CAST: variants seen among roughly 807,000 people sequenced by gnomAD.
CAST encodes MIR583 host.
A neutral mutation model predicts 119.6 loss-of-function variants in CAST; 76 were observed. That is an observed-to-expected ratio of 0.64 (90% CI 0.53 to 0.77). The LOEUF is 0.77. CAST is among the 30% of genes least tolerant of loss of function. CAST has a pLI of 0.00. For missense variants in CAST, 953 were observed against 946.5 expected, an observed-to-expected ratio of 1.01 and a Z score of -0.09; for synonymous variants, 319 against 331.6, an observed-to-expected ratio of 0.96 and a Z score of 0.41.
chr5:96,497,955 G>T, the CAST span, among the ~76,000 whole-genome samples: 1 of 152,202 alleles, frequency 6.6e-6, no homozygotes, highest in Non-Finnish European at 1.5e-5. Flanking sequence ...GTCCTGAATG[G>T]TATTGCCTAG....
chr5:96,196,811 A>G, the CAST span, among the ~76,000 whole-genome samples: 3 of 152,216 alleles, frequency 2.0e-5, no homozygotes, highest in Admixed American at 6.5e-5. Flanking sequence ...ATACCTTTTT[A>G]TCTTATAAAA....
At chr5:96,447,765 G>T in the CAST span, among the ~76,000 whole-genome samples, 1 of 152,102 alleles carries the variant, frequency 6.6e-6, no homozygotes, top group Non-Finnish European at 1.5e-5. Context: ...AGTTGTGTGT[G>T]TGTAAAATAT....
the CAST span, among the ~76,000 whole-genome samples, chr5:96,125,101 T>C: frequency 3.9e-5 from 6 of 152,320 alleles, no homozygotes; most frequent in East Asian, 1.2e-3. Context: ...TAACTGCCCA[T>C]ACCTTACCAA....
chr5:96,662,461 G>T lies in CAST; in HGVS notation c.39G>T (p.Arg13=). 7.0e-7 allele frequency: 1 copy of T among 1,434,924 alleles called. No homozygotes were observed. Among genetic ancestry groups the T allele is most frequent in the South Asian group, 1.4e-5 (1 of 70,796 alleles). 88.9% of individuals were successfully genotyped at this position (1,434,924 alleles called of 1,614,324 possible). A position where few individuals can be genotyped will look rare whatever the true frequency, so the allele number is the denominator to read the frequency against. Residue 13 remains arginine, a synonymous_variant, in exon 1 of 32, where the codon CGG becomes CGT. Transcript: ENST00000675179. ...QPGQKPAASP[R]PRRAAAARRT... ...GCCAGAAGCCCGCCGCCTCCCCGCGGCCCCGGCGAGCAGCCGCCGCCCGCC... is the reference window on the plus strand; with the variant it reads ...GCCAGAAGCCCGCCGCCTCCCCGCGTCCCCGGCGAGCAGCCGCCGCCCGCC...
chr5:96,040,341 T>C, the CAST span, among the ~76,000 whole-genome samples: 8,876 of 152,204 alleles, frequency 0.058, 517 homozygotes, highest in African/African-American at 0.14. Context: ...GACTTCCTCT[T>C]TTCCTATTTG....
chr5:96,413,936 G>A, the CAST span, among the ~76,000 whole-genome samples: 1 of 122,530 alleles, frequency 8.2e-6, no homozygotes, highest in Non-Finnish European at 1.6e-5. Context: ...TGGCTAACAT[G>A]ATGAAACCCT....
chr5:96,736,390 G>A, intron 10 of CAST, 150 bp downstream of exon 10: 2 of 539,396 alleles, frequency 3.7e-6, no homozygotes, highest in Admixed American at 3.7e-5. Context: ...TATTGAAAGT[G>A]TGGGTTGGAA....
the CAST span, among the ~76,000 whole-genome samples, chr5:95,976,626 A>C: frequency 2.0e-5 from 3 of 152,176 alleles, no homozygotes; most frequent in Non-Finnish European, 2.9e-5. Flanking sequence ...TGGTTTTGAC[A>C]TCCAGGATAC....
At chr5:96,567,454 A>T (rs1041176836) in intron 1 of CAST, among the ~76,000 whole-genome samples, 3 of 152,058 alleles carry the variant, frequency 2.0e-5, no homozygotes, top group Admixed American at 2.0e-4. Flanking sequence ...TCTCAGCTCC[A>T]TTGCATTCCA....
chr5:96,248,508 A>G, the CAST span, among the ~76,000 whole-genome samples: 1 of 152,252 alleles, frequency 6.6e-6, no homozygotes, highest in Non-Finnish European at 1.5e-5. Context: ...AAGAATAAGA[A>G]TATACAGGAA....
At chr5:96,346,639 C>A in the CAST span, among the ~76,000 whole-genome samples, 1 of 152,128 alleles carries the variant, frequency 6.6e-6, no homozygotes, top group Non-Finnish European at 1.5e-5. Flanking sequence ...AACACCCAAA[C>A]CTCATAATGT....
the CAST span, among the ~76,000 whole-genome samples, chr5:96,165,902 A>G: frequency 3.2e-3 from 480 of 152,320 alleles, 1 homozygote; most frequent in Non-Finnish European, 3.8e-3. Flanking sequence ...TATTCACAGT[A>G]TAACAGCTAC....
At position 96,719,849 on chromosome 5, in the gene CAST, G is replaced by A. The variant is rs188139700; in HGVS notation, c.211-2790G>A. The stretch of plus-strand genomic sequence containing the variant: ...GGCGTACACAGCTCGGAGGGTCCTC[G>A]TGCAGAGAGTGCTCCTTTCCAGCCT... On this transcript the variant is annotated intron_variant, in intron 3 of 31. Coordinates refer to ENST00000675179, the MANE Select transcript of CAST (RefSeq NM_001750.7). Among the ~76,000 whole-genome samples the A allele has an allele frequency of 4.6e-5, 7 of 152,212 alleles. No individual in the cohort carries two copies. The South Asian group carries it at 8.3e-4, about 18-fold the overall frequency.
intron 1 of CAST, among the ~76,000 whole-genome samples, chr5:96,612,876 T>A (rs984822395): frequency 1.3e-5 from 2 of 152,194 alleles, no homozygotes; most frequent in African/African-American, 4.8e-5. Flanking sequence ...TATACATACA[T>A]ACACACATAT....
chr5:96,242,009 T>C, the CAST span, among the ~76,000 whole-genome samples: 1 of 144,236 alleles, frequency 6.9e-6, no homozygotes, highest in African/African-American at 2.6e-5. Flanking sequence ...TCCCATTTTG[T>C]AGGTTGCCTG....
chr5:96,729,485 C>G (rs1760003685), intron 7 of CAST, 127 bp from the exon 8 acceptor site: 1 of 629,574 alleles, frequency 1.6e-6, no homozygotes. Context: ...AATTTAGAAC[C>G]ACAGACAGCA....
chr5:96,349,912 CATCAGTCTA>C, the CAST span, among the ~76,000 whole-genome samples: 155 of 152,024 alleles, frequency 1.0e-3, 1 homozygote, highest in African/African-American at 3.6e-3. Context: ...TGAGAAATAG[CATCAGTCTA>C]ATCTACACAA....
the CAST span, among the ~76,000 whole-genome samples, chr5:96,241,568 G>T: frequency 6.8e-6 from 1 of 147,262 alleles, no homozygotes; most frequent in African/African-American, 2.5e-5. Context: ...TAGTCCTTTG[G>T]GTATATACCC....
the CAST span, among the ~76,000 whole-genome samples, chr5:96,158,071 AAAAC>A: frequency 2.1e-5 from 3 of 144,626 alleles, no homozygotes; most frequent in South Asian, 2.4e-4. Context: ...AACAAACCAG[AAAAC>A]AAACAAACAC....
Sources: allele counts gnomAD v4.1 joint callset (sites outside exome capture counted in the v4.1 genomes callset), GRCh38; gene constraint gnomAD v4.1.1; transcripts MANE v1.5; gene names NCBI Gene and HGNC (gene_info 2026-07-23, HGNC 2026-07-21).